Variants in PIP5K1A observed in about 807,000 individuals in gnomAD.
PIP5K1A encodes the protein phosphatidylinositol-4-phosphate 5-kinase type 1 alpha, also known as phosphatidylinositol 4-phosphate 5-kinase type-1 alpha.
PIP5K1A carries 46 observed loss-of-function variants against 72.9 expected under a neutral mutation model. The observed-to-expected ratio is 0.63, with a 90% CI of 0.50 to 0.81. The LOEUF is 0.81. Among genes scored for constraint, PIP5K1A ranks in the 30% least tolerant of loss-of-function variants. The probability of loss-of-function intolerance (pLI) is 0.00; values close to 1 mark genes in which losing one functional copy is unlikely to be tolerated. For missense variants in PIP5K1A, 458 were observed against 706.1 expected (o/e 0.65, Z 3.98); for synonymous variants, 228 against 255.1 (o/e 0.89, Z 1.01).
rs1164405322 is a variant in PIP5K1A at position 151,240,038 on chromosome 1, C to G, written c.1362C>G (p.Pro454=). ...GCAACACAGTATTTAAGAAGATTCC[C>G]TGTAAGTGGTTTCTACCAATTGACT... The part of the protein sequence containing the change: ...FMCNTVFKKI[P]LKPSPSKKFR... The change falls in exon 12 of 16, where the codon CCC becomes CCG. Residue 454 remains proline, a splice_region_variant and synonymous_variant. Transcript: ENST00000368888. 2 of 1,609,062 alleles carry G rather than the reference C, an allele frequency of 1.2e-6. No individual in the cohort carries two copies. The highest frequency in any genetic ancestry group is 1.1e-5 in the South Asian group (1 of 90,962).
chr1:151,229,444 C>T (rs1689703705), intron 4 of PIP5K1A, among the ~76,000 whole-genome samples: 1 of 151,112 alleles, frequency 6.6e-6, no homozygotes, highest in Non-Finnish European at 1.5e-5. Context: ...TCACCAAAAC[C>T]TCTGCCTTGC....
chr1:151,231,340 T>G (rs1690037337), intron 4 of PIP5K1A, among the ~76,000 whole-genome samples: 1 of 152,132 alleles, frequency 6.6e-6, no homozygotes, highest in African/African-American at 2.4e-5. Flanking sequence ...CTAAGAACGT[T>G]GTGTCAATAC....
At chr1:151,200,561 C>CT (rs960386496) in intron 1 of PIP5K1A, among the ~76,000 whole-genome samples, 48 of 152,060 alleles carry the variant, frequency 3.2e-4, no homozygotes, top group African/African-American at 1.2e-3. Flanking sequence ...TTCCTCAGGC[C>CT]TGGTGTTGCG....
At chr1:151,239,803 C>T (rs1461291931) in intron 11 of PIP5K1A, 152 bp from the exon 12 acceptor site, 4 of 639,038 alleles carry the variant, frequency 6.3e-6, no homozygotes, top group Non-Finnish European at 1.1e-5. Flanking sequence ...GCTAGGATTA[C>T]AGGTGTGAGC....
Position 151,238,209 on chromosome 1 carries a change from T to A in PIP5K1A, c.1173T>A (p.Ser391Arg), listed in dbSNP as rs1455543251. The A allele has an allele frequency of 1.1e-5, 17 of 1,613,096 alleles. No individual in the cohort carries two copies. The highest frequency in any genetic ancestry group is 1.4e-5 in the Non-Finnish European group (17 of 1,179,232). ...TGGGTGGCATCCCTGCCCGGAATAG[T>A]AAAGGGGAAAGGCTTCTGCTTTATA... Reference protein sequence around the residue: ...DHMGGIPARNSKGERLLLYIG... With the variant: ...DHMGGIPARNRKGERLLLYIG... Residue 391 changes from serine (S) to arginine (R), a missense_variant, in exon 10 of 16, where the codon AGT becomes AGA. By Grantham distance (110) the Ser-to-Arg change is moderately radical. Around this residue, in one of 3 missense-constraint regions of PIP5K1A, gnomAD observed 220 missense variants for 442.6 expected, o/e 0.50. Transcript: ENST00000368888.
Position 151,231,728 on chromosome 1 carries a change from A to T in PIP5K1A, c.295A>T (p.Ser99Cys), listed in dbSNP as rs1690104995. ...GTTAGGCATTACCCACACTGTGGGG[A>T]GCCTGAGTACCAAACCAGAGCGTGA... ...IQLGITHTVG[S>C]LSTKPERDVL... The change falls in exon 5 of 16, where the codon AGC (serine) becomes TGC (cysteine). Residue 99 changes from serine (S) to cysteine (C), a missense_variant. Around this residue, in one of 3 missense-constraint regions of PIP5K1A, gnomAD observed 220 missense variants for 442.6 expected, o/e 0.50. Coordinates refer to ENST00000368888, the MANE Select transcript of PIP5K1A (RefSeq NM_001135638.2). 1 of 1,613,294 alleles carries T rather than the reference A, an allele frequency of 6.2e-7. No individual in the cohort carries two copies.
At position 151,234,119 on chromosome 1, in the gene PIP5K1A, G is replaced by T. The variant is rs894276930; in HGVS notation, c.640-78G>T. 17 of 1,037,814 alleles carry T rather than the reference G, an allele frequency of 1.6e-5. No homozygotes were observed. The African/African-American group carries it at 2.7e-4, about 17-fold the overall frequency. 64.3% of individuals were successfully genotyped at this position (1,037,814 alleles called of 1,614,324 possible). On this transcript the variant is annotated intron_variant, in intron 7 of 15. Coordinates refer to ENST00000368888, the MANE Select transcript of PIP5K1A (RefSeq NM_001135638.2). ...CATATAGGAGATAAAGGGAGGATGG[G>T]TGGTAACTTTTACTGGTGAGTTTCA... is the stretch of plus-strand genomic sequence containing the variant.
Position 151,198,805 on chromosome 1 carries a change from C to A in PIP5K1A, c.-192C>A. 1.5e-6 allele frequency: 1 copy of A among 659,716 alleles called. No homozygotes were observed. Among genetic ancestry groups the A allele is most frequent in the Admixed American group, 2.4e-5 (1 of 41,972 alleles). The allele number at this position is 659,716 out of a possible 1,614,324, so 40.9% of individuals were successfully genotyped here. Reference sequence around the variant, plus strand: ...TGCGGGACGTGAGTTCTTCCCCATGCCAGGCGAATGGTGTGGCCTTGAGCT... The same window carrying A: ...TGCGGGACGTGAGTTCTTCCCCATGACAGGCGAATGGTGTGGCCTTGAGCT... On this transcript the variant is annotated 5_prime_UTR_variant, in exon 1 of 16. Transcript: ENST00000368888.
intron 1 of PIP5K1A, among the ~76,000 whole-genome samples, chr1:151,216,384 G>A (rs1482352674): frequency 6.6e-6 from 1 of 151,852 alleles, no homozygotes; most frequent in Non-Finnish European, 1.5e-5. Flanking sequence ...AGACTTCTTG[G>A]AGTGGTAGTT....
At chr1:151,224,027 G>A (rs1022349002) in intron 1 of PIP5K1A, 21 of 574,920 alleles carry the variant, frequency 3.7e-5, no homozygotes. Context: ...TAAGAAAGGG[G>A]TCTAGAATAA....
chr1:151,239,194 A>G lies in PIP5K1A; in HGVS notation c.1278+16A>G. ...ACATGACGGAGTAAGTAGTAATACT[A>G]GAGGCTCTCTTACCGTACACTTCTG... On this transcript the variant is annotated intron_variant, in intron 11 of 15. Coordinates refer to ENST00000368888, the MANE Select transcript of PIP5K1A (RefSeq NM_001135638.2). The G allele has an allele frequency of 6.4e-7, 1 of 1,559,080 alleles. No homozygotes were observed. The highest frequency in any genetic ancestry group is 8.8e-7 in the Non-Finnish European group (1 of 1,130,810).
At chr1:151,197,153 C>T (rs1684631098), upstream of PIP5K1A, among the ~76,000 whole-genome samples, 1 of 152,016 alleles carries the variant, frequency 6.6e-6, no homozygotes, top group Admixed American at 6.6e-5. Context: ...TGAGCCACGG[C>T]GCCCGGCCTG....
At chr1:151,205,066 T>C (rs1685745213) in intron 1 of PIP5K1A, among the ~76,000 whole-genome samples, 1 of 152,206 alleles carries the variant, frequency 6.6e-6, no homozygotes, top group South Asian at 2.1e-4. Context: ...GTGGAAACTA[T>C]AGCCTGTGAA....
chr1:151,213,415 C>A (rs775936668), intron 1 of PIP5K1A: 7 of 151,960 alleles, frequency 4.6e-5, no homozygotes, highest in Admixed American at 2.0e-4. Flanking sequence ...GAAGCTAGTT[C>A]TTTAATATTT....
chr1:151,225,193 G>T (rs1688926802), intron 3 of PIP5K1A, among the ~76,000 whole-genome samples: 1 of 152,014 alleles, frequency 6.6e-6, no homozygotes. Context: ...ACATTAGCCA[G>T]GTGCACACCA....
chr1:151,240,571 T>A (rs1464979756), intron 12 of PIP5K1A, among the ~76,000 whole-genome samples: 1 of 152,204 alleles, frequency 6.6e-6, no homozygotes, highest in Non-Finnish European at 1.5e-5. Context: ...CTTCTTCTCA[T>A]ATTAGGCATC....
Position 151,231,764 on chromosome 1 carries a change from C to G in PIP5K1A, c.331C>G (p.Gln111Glu). 1 of 1,613,906 alleles carries G rather than the reference C, an allele frequency of 6.2e-7. No individual in the cohort carries two copies. The highest frequency in any genetic ancestry group is 8.5e-7 in the Non-Finnish European group (1 of 1,179,806). ...STKPERDVLMQDFYVVESIFF... is the reference protein window; with the variant it reads ...STKPERDVLMEDFYVVESIFF... The stretch of plus-strand genomic sequence containing the variant: ...CAAACCAGAGCGTGATGTCCTCATG[C>G]AAGATTTCTACGTGGTTGAGAGTAT... The change falls in exon 5 of 16, where the codon CAA (glutamine) becomes GAA (glutamate). Residue 111 changes from glutamine to glutamate, a missense_variant. Transcript: ENST00000368888.
chr1:151,206,389 G>A (rs941159922), intron 1 of PIP5K1A, among the ~76,000 whole-genome samples: 1 of 152,098 alleles, frequency 6.6e-6, no homozygotes, highest in Non-Finnish European at 1.5e-5. Flanking sequence ...ACTTAACTGA[G>A]CAATATGGAA....
At chr1:151,225,359 A>G (rs1487442230) in intron 3 of PIP5K1A, among the ~76,000 whole-genome samples, 3 of 152,130 alleles carry the variant, frequency 2.0e-5, no homozygotes, top group Non-Finnish European at 2.9e-5. Flanking sequence ...CTTCTGGCTT[A>G]TAAACTTAAT....
Sources: gnomAD v4.1 joint callset for allele counts (sites outside exome capture counted in the v4.1 genomes callset) on GRCh38, gnomAD v4.1.1 for gene constraint, gnomAD v4.1.1 regional missense constraint, MANE v1.5 for transcripts, NCBI Gene and HGNC (gene_info 2026-07-23, HGNC 2026-07-21) for gene names.